TDRP: variants seen among roughly 807,000 people sequenced by gnomAD.
The protein encoded by TDRP is testis development related protein, also known as testis development-related protein.
TDRP carries 12 observed loss-of-function variants against 10.5 expected under a neutral mutation model. The ratio of observed to expected loss-of-function variants is 1.15; its 90% CI spans 0.73 to 1.86. The LOEUF (loss-of-function observed/expected upper bound fraction) is 1.86, where lower values mean the gene tolerates loss of function less well. TDRP is among the 40% of genes most tolerant of loss of function. The pLI, the probability that TDRP is intolerant of heterozygous loss-of-function variation, is 0.00. For missense variants in TDRP, 353 were observed against 229.2 expected (o/e 1.54, Z -3.49); for synonymous variants, 139 against 95.4 (o/e 1.46, Z -2.67).
chr8:535,421 G>T lies in TDRP; in HGVS notation c.108+9229C>A, dbSNP rs899272405. On this transcript the variant is annotated intron_variant, in intron 1 of 2. Transcript: ENST00000324079. ...GACAGAACCCCAGCTAACGTGGGGTGAAGGATCAGATAAAACGAACATAAA... is the reference window on the plus strand; with the variant it reads ...GACAGAACCCCAGCTAACGTGGGGTTAAGGATCAGATAAAACGAACATAAA... Among the ~76,000 whole-genome samples the T allele has an allele frequency of 7.0e-4, 107 of 152,290 alleles. 1 individual carries two copies. Among genetic ancestry groups the T allele is most frequent in the African/African-American group, 2.5e-3 (102 of 41,584 alleles).
At chr8:512,944 C>G (rs978943831) in intron 1 of TDRP, among the ~76,000 whole-genome samples, 13 of 148,064 alleles carry the variant, frequency 8.8e-5, no homozygotes, top group Non-Finnish European at 1.6e-4. Context: ...TGCACTCCAG[C>G]CTGGGTGACA....
chr8:527,800 T>C (rs1416447694), intron 1 of TDRP, among the ~76,000 whole-genome samples: 1 of 152,050 alleles, frequency 6.6e-6, no homozygotes, highest in Non-Finnish European at 1.5e-5. Flanking sequence ...GACCTCACAC[T>C]ACGAAACTAC....
At chr8:532,194 C>G (rs1802220895) in intron 1 of TDRP, among the ~76,000 whole-genome samples, 1 of 152,166 alleles carries the variant, frequency 6.6e-6, no homozygotes. Flanking sequence ...ACAGAGGCAG[C>G]AGGACACATC....
intron 1 of TDRP, 111 bp downstream of exon 1, chr8:544,539 G>T: frequency 1.4e-6 from 1 of 725,486 alleles, no homozygotes; most frequent in Non-Finnish European, 1.9e-6. Context: ...TCACCTGCCC[G>T]CCCAAACTGT....
intron 1 of TDRP, among the ~76,000 whole-genome samples, chr8:521,806 T>C (rs1157773830): frequency 1.3e-5 from 2 of 152,318 alleles, no homozygotes; most frequent in Non-Finnish European, 2.9e-5. Flanking sequence ...ATTGAACCAG[T>C]GGATTGCTGT....
chr8:543,394 T>A (rs1322441139), intron 1 of TDRP, among the ~76,000 whole-genome samples: 1 of 152,178 alleles, frequency 6.6e-6, no homozygotes, highest in Non-Finnish European at 1.5e-5. Context: ...GAAGACTCAG[T>A]TTAAAATTCT....
At chr8:501,185 G>T (rs548174259) in intron 1 of TDRP, among the ~76,000 whole-genome samples, 1 of 151,510 alleles carries the variant, frequency 6.6e-6, no homozygotes. Flanking sequence ...CAGCCTGGGC[G>T]ACAGAGTGAG....
intron 1 of TDRP, among the ~76,000 whole-genome samples, chr8:509,854 A>G (rs147989300): frequency 2.5e-4 from 38 of 152,276 alleles, no homozygotes; most frequent in Non-Finnish European, 4.0e-4. Flanking sequence ...CCCTTTTAAC[A>G]TAAGTTCTGT....
At position 531,581 on chromosome 8, in the gene TDRP, G is replaced by T. The variant is rs931635219; in HGVS notation, c.108+13069C>A. The stretch of plus-strand genomic sequence containing the variant: ...ACACATACGGACACTTTTTATCTAC[G>T]ACAAAAATGAAAAGGCGTAAGGATG... On this transcript the variant is annotated intron_variant, in intron 1 of 2. Coordinates refer to ENST00000324079, the MANE Select transcript of TDRP (RefSeq NM_001384899.1). Among the ~76,000 whole-genome samples, 13 of 152,180 alleles carry T rather than the reference G, an allele frequency of 8.5e-5. No homozygotes were observed. The East Asian group carries it at 2.5e-3, about 29-fold the overall frequency.
At chr8:516,331 C>G (rs185676224) in intron 1 of TDRP, among the ~76,000 whole-genome samples, 163 of 152,166 alleles carry the variant, frequency 1.1e-3, no homozygotes, top group African/African-American at 3.6e-3. Context: ...AGAGGAAAAG[C>G]CATAGACTTG....
intron 1 of TDRP, among the ~76,000 whole-genome samples, chr8:500,941 T>C (rs1410415052): frequency 1.3e-5 from 2 of 152,182 alleles, no homozygotes; most frequent in Admixed American, 6.5e-5. Context: ...GCGCGGTGTC[T>C]CACACCTGTA....
intron 1 of TDRP, among the ~76,000 whole-genome samples, chr8:543,280 T>G (rs1802548873): frequency 6.6e-6 from 1 of 152,008 alleles, no homozygotes; most frequent in Non-Finnish European, 1.5e-5. Flanking sequence ...GCCACTGCAC[T>G]CCAGCCTAGT....
At chr8:531,223 T>C (rs1399908327) in intron 1 of TDRP, among the ~76,000 whole-genome samples, 1 of 152,178 alleles carries the variant, frequency 6.6e-6, no homozygotes, top group Non-Finnish European at 1.5e-5. Context: ...TGAGCTTGCC[T>C]GGGGTACTGT....
intron 1 of TDRP, among the ~76,000 whole-genome samples, chr8:500,927 C>G (rs1801274105): frequency 6.6e-6 from 1 of 152,210 alleles, no homozygotes; most frequent in Admixed American, 6.5e-5. Context: ...CATGAGCAGG[C>G]CGGGCGCGGT....
rs778932285 is a variant in TDRP, at chr8:507,472, GC to G, written c.109-12876del. Among the ~76,000 whole-genome samples, 21 of 152,130 alleles carry G rather than the reference GC, an allele frequency of 1.4e-4. 1 individual carries two copies. The highest frequency in any genetic ancestry group is 1.3e-4 in the Non-Finnish European group (9 of 68,028). ...TGGATTCATTTGTAGAGCAATGTATGCCCCAGGACATTTTTTAAACCATACA... is the reference window on the plus strand; with the variant it reads ...TGGATTCATTTGTAGAGCAATGTATGCCCAGGACATTTTTTAAACCATACA... On this transcript the variant is annotated intron_variant, in intron 1 of 2. Transcript: ENST00000324079.
intron 1 of TDRP, among the ~76,000 whole-genome samples, chr8:512,114 T>C (rs1363546791): frequency 6.6e-6 from 1 of 151,776 alleles, no homozygotes; most frequent in Non-Finnish European, 1.5e-5. Context: ...AAACCAAAAT[T>C]TCGTTCTTTA....
At position 544,566 on chromosome 8, in the gene TDRP, ACCTCCACCTGCGCGCCGCCCACCCTCGC is replaced by A. The variant is rs571635190; in HGVS notation, c.108+56_108+83del. ...CCAAACTGTGCCCCCAACTACCCGC[ACCTCCACCTGCGCGCCGCCCACCCTCGC>A]CCTCCACCTGCGCGCCCCCGGCCTA... On this transcript the variant is annotated intron_variant, in intron 1 of 2. Coordinates refer to ENST00000324079, the MANE Select transcript of TDRP (RefSeq NM_001384899.1). 6,952 of 964,792 alleles carry A rather than the reference ACCTCCACCTGCGCGCCGCCCACCCTCGC, an allele frequency of 7.2e-3. 24 individuals are homozygous for A. The highest frequency in any genetic ancestry group is 0.015 in the Middle Eastern group (41 of 2,708). The allele number at this position is 964,792 out of a possible 1,614,324, so 59.8% of individuals were successfully genotyped here.
At chr8:543,264 G>A (rs1416979405) in intron 1 of TDRP, among the ~76,000 whole-genome samples, 3 of 152,158 alleles carry the variant, frequency 2.0e-5, no homozygotes, top group African/African-American at 7.2e-5. Flanking sequence ...AGTGAGCCGA[G>A]ATTGCGCCAC....
chr8:516,098 A>C (rs1354123425), intron 1 of TDRP, among the ~76,000 whole-genome samples: 2 of 152,206 alleles, frequency 1.3e-5, no homozygotes, highest in Admixed American at 1.3e-4. Flanking sequence ...ATGGCTGAAC[A>C]TTAAAAAAAT....
Sources: gnomAD v4.1 joint callset for allele counts (sites outside exome capture counted in the v4.1 genomes callset) on GRCh38, gnomAD v4.1.1 for gene constraint, MANE v1.5 for transcripts, NCBI Gene and HGNC (gene_info 2026-07-23, HGNC 2026-07-21) for gene names.